The following GNAZ variants were observed in gnomAD, a reference collection of about 807,000 sequenced individuals.
The protein encoded by GNAZ is guanine nucleotide-binding protein G(z) subunit alpha.
Under a neutral mutation model 25.4 loss-of-function variants are expected in GNAZ, and 3 were observed. The ratio of observed to expected loss-of-function variants is 0.12; its 90% CI spans 0.05 to 0.30. The LOEUF (loss-of-function observed/expected upper bound fraction) is 0.30, where lower values mean the gene tolerates loss of function less well. Ranked by LOEUF, GNAZ falls within the 10% of genes least tolerant of loss-of-function variation. GNAZ has a pLI of 1.00. For missense variants in GNAZ, 241 were observed against 501.8 expected (o/e 0.48, Z 4.97); for synonymous variants, 211 against 205.7 (o/e 1.03, Z -0.22).
intron 1 of GNAZ, among the ~76,000 whole-genome samples, chr22:23,091,523 G>A (rs1459117918): frequency 5.7e-5 from 8 of 139,406 alleles, no homozygotes; most frequent in Admixed American, 2.9e-4. Flanking sequence ...CACACACACC[G>A]CAATAGACCT....
chr22:23,117,350 T>C (rs533190440), intron 2 of GNAZ, among the ~76,000 whole-genome samples: 7 of 152,270 alleles, frequency 4.6e-5, no homozygotes, highest in African/African-American at 1.7e-4. Context: ...GGCCATTGCA[T>C]CTCCAGGCTA....
At chr22:23,108,056 C>G (rs912940321) in intron 2 of GNAZ, among the ~76,000 whole-genome samples, 2 of 152,266 alleles carry the variant, frequency 1.3e-5, no homozygotes, top group African/African-American at 4.8e-5. Flanking sequence ...GAGGCCTGTG[C>G]CCCCCGCCCT....
At chr22:23,111,095 G>A (rs931536698) in intron 2 of GNAZ, among the ~76,000 whole-genome samples, 4 of 152,224 alleles carry the variant, frequency 2.6e-5, no homozygotes, top group African/African-American at 4.8e-5. Context: ...CGCCTTCCCT[G>A]TGAGCGTGAG....
At chr22:23,098,304 C>T (rs1286275826) in intron 2 of GNAZ, among the ~76,000 whole-genome samples, 2 of 152,376 alleles carry the variant, frequency 1.3e-5, no homozygotes, top group East Asian at 1.9e-4. Flanking sequence ...CCAAGTGGCG[C>T]CTCCTGGGAG....
At chr22:23,081,777 G>A (rs5759581) in intron 1 of GNAZ, among the ~76,000 whole-genome samples, 47,870 of 141,288 alleles carry the variant, frequency 0.34, 8,764 homozygotes, top group African/African-American at 0.5. Flanking sequence ...AGCCGAGATC[G>A]TGCCACTGCA....
At chr22:23,104,579 A>G (rs2069404951) in intron 2 of GNAZ, among the ~76,000 whole-genome samples, 1 of 152,232 alleles carries the variant, frequency 6.6e-6, no homozygotes. Context: ...GACACAGATT[A>G]CTATTGTTTT....
At chr22:23,083,047 G>A (rs2068724166) in intron 1 of GNAZ, among the ~76,000 whole-genome samples, 1 of 152,174 alleles carries the variant, frequency 6.6e-6, no homozygotes, top group Admixed American at 6.5e-5. Flanking sequence ...AGGGAAGTTG[G>A]GAGAGTGAAG....
Position 23,099,919 on chromosome 22 carries a change from C to T in GNAZ, c.723+3501C>T, listed in dbSNP as rs574073699. ...ACTTGTTGCCCAACCTCTGCCCTTG[C>T]GGATCAGCTAATGGACTCTGCTGGC... On this transcript the variant is annotated intron_variant, in intron 2 of 2. Coordinates refer to ENST00000615612, the MANE Select transcript of GNAZ (RefSeq NM_002073.4). Among the ~76,000 whole-genome samples the T allele has an allele frequency of 1.8e-3, 280 of 152,366 alleles. 1 individual carries two copies. The highest frequency in any genetic ancestry group is 5.0e-3 in the African/African-American group (206 of 41,598).
Position 23,120,676 on chromosome 22 carries a change from C to T in GNAZ, c.724-2411C>T, listed in dbSNP as rs1160925235. ...CTGTGCTTGTCCCCTCACCCTTGAA[C>T]CCCCAGGTCCATACCCTGCTGGTGG... is the stretch of plus-strand genomic sequence containing the variant. On this transcript the variant is annotated intron_variant, in intron 2 of 2. Transcript: ENST00000615612. 2.6e-5 allele frequency among the ~76,000 whole-genome samples: 4 copies of T among 152,150 alleles called. No individual in the cohort carries two copies. The East Asian group carries it at 5.8e-4, about 22-fold the overall frequency.
At chr22:23,078,075 G>A (rs2068554888) in intron 1 of GNAZ, among the ~76,000 whole-genome samples, 1 of 152,234 alleles carries the variant, frequency 6.6e-6, no homozygotes, top group Non-Finnish European at 1.5e-5. Context: ...TGGCCCTGTA[G>A]AGTGGCTACC....
intron 2 of GNAZ, among the ~76,000 whole-genome samples, chr22:23,120,553 G>A (rs2069987466): frequency 6.6e-6 from 1 of 152,106 alleles, no homozygotes; most frequent in Non-Finnish European, 1.5e-5. Flanking sequence ...GCCTGCCCAG[G>A]AGGTGATGGG....
At chr22:23,085,339 C>G (rs1361161275) in intron 1 of GNAZ, among the ~76,000 whole-genome samples, 1 of 152,218 alleles carries the variant, frequency 6.6e-6, no homozygotes, top group Non-Finnish European at 1.5e-5. Context: ...ACAGACTCAG[C>G]TTGTTCCCCA....
chr22:23,075,694 T>G (rs111961394), intron 1 of GNAZ, among the ~76,000 whole-genome samples: 1,609 of 152,292 alleles, frequency 0.011, 20 homozygotes, highest in Admixed American at 0.021. Context: ...GTGTTCCTTC[T>G]AGCAGCCTCC....
intron 1 of GNAZ, among the ~76,000 whole-genome samples, chr22:23,077,767 C>A (rs963875795): frequency 6.6e-6 from 1 of 152,184 alleles, no homozygotes; most frequent in Non-Finnish European, 1.5e-5. Flanking sequence ...CCAAGAGGGG[C>A]CTTCTGAAGA....
At chr22:23,123,066 C>T (rs372526927) in intron 2 of GNAZ, 21 bp from the exon 3 acceptor site, 40 of 1,548,702 alleles carry the variant, frequency 2.6e-5, no homozygotes, top group African/African-American at 2.3e-4. Flanking sequence ...CTGATTAACG[C>T]CAGTACTTTC....
chr22:23,086,751 T>C (rs1007417843), intron 1 of GNAZ, among the ~76,000 whole-genome samples: 2 of 152,124 alleles, frequency 1.3e-5, no homozygotes, highest in African/African-American at 4.8e-5. Context: ...GGAAATGCAG[T>C]CATGGGGCTG....
chr22:23,124,653 C>A lies in GNAZ; in HGVS notation c.*1222C>A. 1 of 217,586 alleles carries A rather than the reference C, an allele frequency of 4.6e-6. No individual in the cohort carries two copies. The highest frequency in any genetic ancestry group is 9.7e-6 in the Non-Finnish European group (1 of 103,380). 13.5% of individuals were successfully genotyped at this position (217,586 alleles called of 1,614,324 possible). A position where few individuals can be genotyped will look rare whatever the true frequency, so the allele number is the denominator to read the frequency against. ...GGAAGGGGAGCAAGGGGTGGTGCCC[C>A]TGGTCCCAGCATGCCCCGCGCCTGA... is the stretch of plus-strand genomic sequence containing the variant. On this transcript the variant is annotated 3_prime_UTR_variant, in exon 3 of 3. Transcript: ENST00000615612.
rs1369394728 is a variant in GNAZ at position 23,095,653 on chromosome 22, G to A, written c.-43G>A. 1 of 1,558,328 alleles carries A rather than the reference G, an allele frequency of 6.4e-7. No individual in the cohort carries two copies. The highest frequency in any genetic ancestry group is 8.7e-7 in the Non-Finnish European group (1 of 1,154,546). ...GTCCCCTGTGGCAAGAGGGAGAGGT[G>A]CCCCATCCCGTGCTCCTTGTCTGGG... On this transcript the variant is annotated 5_prime_UTR_variant, in exon 2 of 3. Coordinates refer to ENST00000615612, the MANE Select transcript of GNAZ (RefSeq NM_002073.4).
intron 2 of GNAZ, among the ~76,000 whole-genome samples, chr22:23,097,782 G>T (rs188894447): frequency 6.6e-6 from 1 of 152,376 alleles, no homozygotes; most frequent in East Asian, 1.9e-4. Context: ...GGGCTGAGAA[G>T]CTGCAAGGCA....
Sources: gnomAD v4.1 joint callset for allele counts (sites outside exome capture counted in the v4.1 genomes callset) on GRCh38, gnomAD v4.1.1 for gene constraint, MANE v1.5 for transcripts, NCBI Gene and HGNC (gene_info 2026-07-23, HGNC 2026-07-21) for gene names.